The following UNC5D variants were observed in gnomAD, a reference collection of about 807,000 sequenced individuals.
UNC5D encodes the protein unc-5 netrin receptor D.
In UNC5D, 39 loss-of-function variants were observed where a neutral mutation model predicts 105.4. The observed-to-expected ratio is 0.37, with a 90% confidence interval of 0.29 to 0.48. UNC5D has a LOEUF of 0.48. Among genes scored for constraint, UNC5D ranks in the 20% least tolerant of loss-of-function variants. The pLI is 0.98. For synonymous variants in UNC5D, 452 were observed against 450.4 expected (o/e 1.00, Z -0.04); for missense variants, 991 against 1,202.4 (o/e 0.82, Z 2.60).
At chr8:35,633,039 T>C (rs552360650) in intron 4 of UNC5D, among the ~76,000 whole-genome samples, 1 of 152,326 alleles carries the variant, frequency 6.6e-6, no homozygotes, top group East Asian at 1.9e-4. Context: ...CAATAGTCTA[T>C]GTCCCTGGTA....
chr8:35,257,790 A>G (rs199529348), intron 1 of UNC5D, among the ~76,000 whole-genome samples: 1 of 152,300 alleles, frequency 6.6e-6, no homozygotes, highest in East Asian at 1.9e-4. Flanking sequence ...CTTGCTAGCC[A>G]GATTGCAGAT....
intron 1 of UNC5D, among the ~76,000 whole-genome samples, chr8:35,453,663 T>C (rs1358085777): frequency 6.6e-6 from 1 of 152,232 alleles, no homozygotes; most frequent in Non-Finnish European, 1.5e-5. Context: ...AATTGCTGTT[T>C]GGCCTAGTTC....
At chr8:35,510,819 T>C (rs1361147455) in intron 1 of UNC5D, among the ~76,000 whole-genome samples, 1 of 152,102 alleles carries the variant, frequency 6.6e-6, no homozygotes, top group African/African-American at 2.4e-5. Context: ...GCCAGGAAAA[T>C]GGATGTTTTC....
chr8:35,530,284 T>G (rs1192195092), intron 1 of UNC5D, among the ~76,000 whole-genome samples: 12 of 120,892 alleles, frequency 9.9e-5, no homozygotes, highest in Non-Finnish European at 2.0e-4. Flanking sequence ...AAAGGCTTTT[T>G]CTGCATCTAT....
At chr8:35,364,832 T>C (rs1319025554) in intron 1 of UNC5D, among the ~76,000 whole-genome samples, 1 of 152,210 alleles carries the variant, frequency 6.6e-6, no homozygotes, top group Non-Finnish European at 1.5e-5. Flanking sequence ...CCATTATAAA[T>C]GATATGCTTG....
chr8:35,248,676 T>C (rs1376560184), intron 1 of UNC5D, among the ~76,000 whole-genome samples: 2 of 99,088 alleles, frequency 2.0e-5, no homozygotes, highest in Admixed American at 1.6e-4. Context: ...ATATGTTATA[T>C]ATAATATATA....
chr8:35,487,178 G>A (rs1275232085), intron 1 of UNC5D, among the ~76,000 whole-genome samples: 2 of 149,476 alleles, frequency 1.3e-5, no homozygotes, highest in African/African-American at 4.9e-5. Context: ...CCTGATGAAT[G>A]CCTCATGAAA....
At chr8:35,279,881 A>C (rs2128847881) in intron 1 of UNC5D, among the ~76,000 whole-genome samples, 1 of 152,368 alleles carries the variant, frequency 6.6e-6, no homozygotes, top group African/African-American at 2.4e-5. Context: ...TTGTATAATC[A>C]AGAAAACTTC....
intron 1 of UNC5D, among the ~76,000 whole-genome samples, chr8:35,407,574 C>T (rs927639424): frequency 3.5e-4 from 53 of 151,842 alleles, no homozygotes; most frequent in Non-Finnish European, 6.9e-4. Flanking sequence ...GGTAGAAGTT[C>T]AGGTTTGTTA....
Position 35,790,651 on chromosome 8 carries a change from T to A in UNC5D, c.*88T>A. 6.9e-7 allele frequency: 1 copy of A among 1,443,380 alleles called. No homozygotes were observed. Among genetic ancestry groups the A allele is most frequent in the South Asian group, 1.2e-5 (1 of 83,832 alleles). 89.4% of individuals were successfully genotyped at this position (1,443,380 alleles called of 1,614,324 possible). ...GAGGCCGCTTTCTGCCCAGTGGCGT[T>A]GGGGGAATTCAGCCTTCATTTATAA... On this transcript the variant is annotated 3_prime_UTR_variant, in exon 17 of 17. Coordinates refer to ENST00000404895, the MANE Select transcript of UNC5D (RefSeq NM_080872.4).
chr8:35,620,982 T>C (rs1405923766), intron 4 of UNC5D, among the ~76,000 whole-genome samples: 9 of 152,216 alleles, frequency 5.9e-5, no homozygotes, highest in Admixed American at 3.9e-4. Context: ...TCCTTTATTC[T>C]GGGGAGCTTT....
intron 1 of UNC5D, among the ~76,000 whole-genome samples, chr8:35,357,355 T>A (rs193201830): frequency 6.6e-6 from 1 of 152,274 alleles, no homozygotes; most frequent in East Asian, 1.9e-4. Flanking sequence ...ACAGTGTGAA[T>A]TATATTTGTC....
intron 16 of UNC5D, 55 bp downstream of exon 16, chr8:35,774,532 A>T: frequency 6.3e-7 from 1 of 1,585,450 alleles, no homozygotes; most frequent in Non-Finnish European, 8.6e-7. Flanking sequence ...TGGAAACATA[A>T]AGTGGGCTAA....
chr8:35,381,731 A>G (rs765676452), intron 1 of UNC5D, among the ~76,000 whole-genome samples: 1 of 152,202 alleles, frequency 6.6e-6, no homozygotes, highest in Non-Finnish European at 1.5e-5. Flanking sequence ...CCACTGTGCT[A>G]ACATGAAATA....
intron 2 of UNC5D, among the ~76,000 whole-genome samples, chr8:35,550,647 T>G (rs1816062900): frequency 6.6e-6 from 1 of 152,130 alleles, no homozygotes; most frequent in Non-Finnish European, 1.5e-5. Flanking sequence ...ATGACAGAGA[T>G]AAGACAAATA....
intron 1 of UNC5D, among the ~76,000 whole-genome samples, chr8:35,327,559 G>C (rs941729699): frequency 2.0e-5 from 3 of 152,146 alleles, no homozygotes; most frequent in Admixed American, 6.5e-5. Flanking sequence ...CCTCTGCCAG[G>C]GGCATATTTG....
intron 1 of UNC5D, among the ~76,000 whole-genome samples, chr8:35,343,987 A>G (rs1811633724): frequency 6.6e-6 from 1 of 152,134 alleles, no homozygotes; most frequent in Admixed American, 6.6e-5. Flanking sequence ...GTACTGATCA[A>G]TGCTAGAGAA....
At chr8:35,627,552 G>A (rs1821762202) in intron 4 of UNC5D, among the ~76,000 whole-genome samples, 2 of 152,062 alleles carry the variant, frequency 1.3e-5, no homozygotes, top group South Asian at 4.1e-4. Context: ...TGTTTCCATG[G>A]AAAATGACCC....
At chr8:35,414,475 C>T (rs1312666324) in intron 1 of UNC5D, among the ~76,000 whole-genome samples, 1 of 152,056 alleles carries the variant, frequency 6.6e-6, no homozygotes, top group African/African-American at 2.4e-5. Context: ...TGTTGTTAGT[C>T]CAATATAGGT....
Sources: gnomAD v4.1 joint callset for allele counts (sites outside exome capture counted in the v4.1 genomes callset) on GRCh38, gnomAD v4.1.1 for gene constraint, MANE v1.5 for transcripts, NCBI Gene and HGNC (gene_info 2026-07-23, HGNC 2026-07-21) for gene names.